PRKDC: variants seen among roughly 807,000 people sequenced by gnomAD.
The protein encoded by PRKDC is protein kinase, DNA-activated, catalytic subunit.
PRKDC carries 82 observed loss-of-function variants against 486.9 expected under a neutral mutation model. The observed-to-expected ratio is 0.17, with a 90% CI of 0.14 to 0.20. PRKDC has a LOEUF of 0.20. Ranked by LOEUF, PRKDC falls within the 10% of genes least tolerant of loss-of-function variation. The probability of loss-of-function intolerance (pLI) is 1.00; values close to 1 mark genes in which losing one functional copy is unlikely to be tolerated. For synonymous variants in PRKDC, 1,895 were observed against 1,837.0 expected (o/e 1.03, Z -0.81); for missense variants, 4,504 against 5,038.2 (o/e 0.89, Z 3.21).
chr8:47,862,230 T>C (rs957394865), intron 43 of PRKDC, 103 bp from the exon 44 acceptor site: 2 of 1,351,464 alleles, frequency 1.5e-6, no homozygotes, highest in Non-Finnish European at 2.0e-6. Flanking sequence ...GGAAAAGCAC[T>C]CCAGCTTTAA....
At chr8:47,857,399 G>C in intron 48 of PRKDC, 100 bp from the exon 49 acceptor site, 1 of 1,336,362 alleles carries the variant, frequency 7.5e-7, no homozygotes, top group Non-Finnish European at 1.0e-6. Flanking sequence ...TTTATACTAT[G>C]ACTGGACCTA....
At position 47,817,452 on chromosome 8, in the gene PRKDC, A is replaced by G; in HGVS notation, c.9555T>C (p.Asn3185=). 1 of 1,587,488 alleles carries G rather than the reference A, an allele frequency of 6.3e-7. No individual in the cohort carries two copies. Among genetic ancestry groups the G allele is most frequent in the African/African-American group, 1.3e-5 (1 of 74,662 alleles). Reference sequence around the variant, plus strand: ...GACTGAAAGGGACCACGTCTTACCGATTTGTGATGATGTCATCCCAGATGT... The same window carrying G: ...GACTGAAAGGGACCACGTCTTACCGGTTTGTGATGATGTCATCCCAGATGT... The part of the protein sequence containing the change: ...PMNIWDDIIT[N]RCFFLSKIEE... Residue 3185 remains asparagine, a splice_region_variant and synonymous_variant, in exon 68 of 86, where the codon AAT becomes AAC. Coordinates refer to ENST00000314191, the MANE Select transcript of PRKDC (RefSeq NM_006904.7).
In PRKDC at chr8:47,807,252, T is replaced by A. The variant is rs2154498489; in HGVS notation, c.9632A>T (p.Asp3211Val). 6.2e-7 allele frequency: 1 copy of A among 1,613,744 alleles called. No homozygotes were observed. The highest frequency in any genetic ancestry group is 8.5e-7 in the Non-Finnish European group (1 of 1,179,752). Residue 3211 changes from aspartate to valine, a missense_variant, in exon 69 of 86, where the codon GAT becomes GTT. By Grantham distance (152) the Asp-to-Val change is radical (BLOSUM62 -3). Transcript: ENST00000314191. Reference protein sequence around the residue: ...PEDNSMNVDQDGDPSDRMEVQ... With the variant: ...PEDNSMNVDQVGDPSDRMEVQ... Reference sequence around the variant, plus strand: ...TTCCATCCTGTCACTGGGGTCTCCATCTTGATCCACATTCATACTATTATC... The same window carrying A: ...TTCCATCCTGTCACTGGGGTCTCCAACTTGATCCACATTCATACTATTATC...
Position 47,953,714 on chromosome 8 carries a change from T to A in PRKDC, c.627A>T (p.Thr209=), listed in dbSNP as rs1467507897. Residue 209 remains threonine (T), a synonymous_variant, in exon 7 of 86, where the codon ACA becomes ACT. Transcript: ENST00000314191. ...AFLGELKTQM[T]SAVREPKLPV... ...GTAGTTTGGGCTCTCTTACTGCTGA[T>A]GTCATCTAAAAGAAAAGATTTAAGA... 2 of 1,611,076 alleles carry A rather than the reference T, an allele frequency of 1.2e-6. No individual in the cohort carries two copies. The highest frequency in any genetic ancestry group is 1.7e-6 in the Non-Finnish European group (2 of 1,178,716).
At chr8:47,889,309 T>C in intron 32 of PRKDC, 87 bp from the exon 33 acceptor site, 1 of 1,178,322 alleles carries the variant, frequency 8.5e-7, no homozygotes, top group Admixed American at 2.7e-5. Flanking sequence ...TGGGAACTTC[T>C]GCCTGACTAA....
At chr8:47,921,943 G>T (rs528339165) in intron 21 of PRKDC, among the ~76,000 whole-genome samples, 4 of 152,192 alleles carry the variant, frequency 2.6e-5, no homozygotes, top group East Asian at 3.9e-4. Flanking sequence ...ACCACACCCA[G>T]ATAATTTTTG....
chr8:47,884,772 C>T (rs1236872088), intron 36 of PRKDC, among the ~76,000 whole-genome samples: 1 of 152,216 alleles, frequency 6.6e-6, no homozygotes, highest in Non-Finnish European at 1.5e-5. Flanking sequence ...CAACAGTTAA[C>T]AGTTTCTGTC....
In PRKDC at chr8:47,862,474, A is replaced by G. The variant is rs780953775; in HGVS notation, c.5818T>C (p.Tyr1940His). Residue 1940 changes from tyrosine to histidine, a missense_variant, in exon 43 of 86, where the codon TAC becomes CAC. By Grantham distance (83) the Tyr-to-His change is moderately conservative. Coordinates refer to ENST00000314191, the MANE Select transcript of PRKDC (RefSeq NM_006904.7). ...GCGCAGTTGTATGCTGCACAATGGT[A>G]AAGTCTTCTCCTCTCCAGCAGCTGA... is the stretch of plus-strand genomic sequence containing the variant. ...ENQLLERRRL[Y>H]HCAAYNCAIS... 82 of 1,613,878 alleles carry G rather than the reference A, an allele frequency of 5.1e-5. No homozygotes were observed. Among genetic ancestry groups the G allele is most frequent in the Non-Finnish European group, 6.8e-5 (80 of 1,179,860 alleles).
intron 29 of PRKDC, 115 bp from the exon 30 acceptor site, chr8:47,897,409 C>A: frequency 9.5e-7 from 1 of 1,053,946 alleles, no homozygotes. Flanking sequence ...AGAAATCTCA[C>A]TAAAAGGCAT....
In PRKDC at chr8:47,799,405, G is replaced by C. The variant is rs2087051812; in HGVS notation, c.10117-15C>G. 3.3e-6 allele frequency: 5 copies of C among 1,503,524 alleles called. No homozygotes were observed. The highest frequency in any genetic ancestry group is 4.4e-6 in the Non-Finnish European group (5 of 1,129,754). The allele number at this position is 1,503,524 out of a possible 1,614,324, so 93.1% of individuals were successfully genotyped here. ...CCCGCGATCACCTGGAATTCACAGA[G>C]ACCTAAACCCATGAGCATGACTGAA... On this transcript the variant is annotated splice_polypyrimidine_tract_variant and intron_variant, in intron 71 of 85. Transcript: ENST00000314191.
At chr8:47,793,682 C>CAAAAAAAA (rs2086924868) in intron 74 of PRKDC, among the ~76,000 whole-genome samples, 1 of 86,748 alleles carries the variant, frequency 1.2e-5, no homozygotes, top group East Asian at 3.4e-4. Context: ...TTTAAAAAAA[C>CAAAAAAAA]TAAAAAAAAA....
intron 35 of PRKDC, 147 bp from the exon 36 acceptor site, chr8:47,886,294 T>C (rs1427792198): frequency 1.7e-6 from 1 of 578,242 alleles, no homozygotes; most frequent in East Asian, 3.0e-5. Flanking sequence ...CAAGCTGAAA[T>C]TGTATATATT....
rs8178053 is a variant in PRKDC, at chr8:47,915,000, T to G, written c.2617+328A>C. ...TCTCATTTGGAAAAATTTCTAAAAA[T>G]ATCATAATATTAACAATATTGGATC... On this transcript the variant is annotated intron_variant, in intron 23 of 85. Coordinates refer to ENST00000314191, the MANE Select transcript of PRKDC (RefSeq NM_006904.7). Among the ~76,000 whole-genome samples the G allele has an allele frequency of 5.2e-3, 789 of 152,190 alleles. 12 individuals carry two copies. The highest frequency in any genetic ancestry group is 0.018 in the African/African-American group (763 of 41,506).
chr8:47,901,840 G>A (rs765254214), intron 27 of PRKDC, among the ~76,000 whole-genome samples: 6 of 152,100 alleles, frequency 3.9e-5, no homozygotes, highest in African/African-American at 1.4e-4. Context: ...TCCTAATAAG[G>A]AATGCTGGAT....
At chr8:47,839,312 A>G (rs1267083154) in intron 55 of PRKDC, 66 bp from the exon 56 acceptor site, 1 of 1,071,172 alleles carries the variant, frequency 9.3e-7, no homozygotes, top group South Asian at 1.3e-5. Flanking sequence ...GTTCAACTAC[A>G]GTAACACCAT....
At position 47,821,877 on chromosome 8, in the gene PRKDC, C is replaced by T. The variant is rs542607483; in HGVS notation, c.8923-85G>A. 1.5e-5 allele frequency: 18 copies of T among 1,185,876 alleles called. No individual in the cohort carries two copies. In the South Asian group the frequency reaches 2.6e-4, roughly 17 times the overall value. The allele number at this position is 1,185,876 out of a possible 1,614,324, so 73.5% of individuals were successfully genotyped here. On this transcript the variant is annotated intron_variant, in intron 64 of 85. Coordinates refer to ENST00000314191, the MANE Select transcript of PRKDC (RefSeq NM_006904.7). Reference sequence around the variant, plus strand: ...ACGTAAAAAGGAGGAATGTAACAATCACACTAAAAACAATCCTTTTCAGAT... The same window carrying T: ...ACGTAAAAAGGAGGAATGTAACAATTACACTAAAAACAATCCTTTTCAGAT...
chr8:47,935,025 G>A lies in PRKDC; in HGVS notation c.1481C>T (p.Pro494Leu). The A allele has an allele frequency of 2.0e-6, 3 of 1,523,610 alleles. No individual in the cohort carries two copies. Among genetic ancestry groups the A allele is most frequent in the Non-Finnish European group, 2.7e-6 (3 of 1,126,706 alleles). 94.4% of individuals were successfully genotyped at this position (1,523,610 alleles called of 1,614,324 possible). Reference sequence around the variant, plus strand: ...AGAATTTACCTTTGGAAGGACCACTGGTTTAGAACATATTCTGATTAAACC... The same window carrying A: ...AGAATTTACCTTTGGAAGGACCACTAGTTTAGAACATATTCTGATTAAACC... Reference protein sequence around the residue: ...HQGLIRICSKPVVLPKGPESE... With the variant: ...HQGLIRICSKLVVLPKGPESE... The change falls in exon 14 of 86, where the codon CCA becomes CTA. Residue 494 changes from proline to leucine, a missense_variant. By Grantham distance (98) the Pro-to-Leu change is moderately conservative. Transcript: ENST00000314191.
chr8:47,957,321 T>C (rs748899266), intron 2 of PRKDC, 34 bp downstream of exon 2: 29 of 1,588,872 alleles, frequency 1.8e-5, no homozygotes, highest in Non-Finnish European at 2.5e-5. Context: ...TCCAGGAATA[T>C]ACAAGAAAAG....
At chr8:47,885,866 T>C (rs2089315899) in intron 36 of PRKDC, 78 bp downstream of exon 36, 1 of 1,417,464 alleles carries the variant, frequency 7.1e-7, no homozygotes, top group Non-Finnish European at 9.8e-7. Flanking sequence ...CACTCCAGCC[T>C]GGGCGAAAGT....
Sources: gnomAD v4.1 joint callset for allele counts (sites outside exome capture counted in the v4.1 genomes callset) on GRCh38, gnomAD v4.1.1 for gene constraint, MANE v1.5 for transcripts, NCBI Gene and HGNC (gene_info 2026-07-23, HGNC 2026-07-21) for gene names.